The following PTPRD variants were observed in gnomAD, a reference collection of about 807,000 sequenced individuals.
PTPRD encodes the protein protein tyrosine phosphatase receptor type D.
Under a neutral mutation model 214.5 loss-of-function variants are expected in PTPRD, and 34 were observed. The ratio of observed to expected loss-of-function variants is 0.16; its 90% CI spans 0.12 to 0.21. The LOEUF is 0.21. Among genes scored for constraint, PTPRD ranks in the 10% least tolerant of loss-of-function variants. The pLI, the probability that PTPRD is intolerant of heterozygous loss-of-function variation, is 1.00. For synonymous variants in PTPRD, 1,128 were observed against 845.7 expected, an observed-to-expected ratio of 1.33 and a Z score of -5.79; for missense variants, 2,545 against 2,398.7, an observed-to-expected ratio of 1.06 and a Z score of -1.27.
intron 11 of PTPRD, among the ~76,000 whole-genome samples, chr9:8,868,497 C>G (rs1345736188): frequency 6.6e-6 from 1 of 152,142 alleles, no homozygotes; most frequent in African/African-American, 2.4e-5. Context: ...AGCCACTGTG[C>G]CCAGCCTAGC....
chr9:8,758,092 C>A (rs898836321), intron 11 of PTPRD, among the ~76,000 whole-genome samples: 1 of 152,186 alleles, frequency 6.6e-6, no homozygotes, highest in African/African-American at 2.4e-5. Flanking sequence ...TCCAGCCTAC[C>A]TCATCAAAAT....
At chr9:9,746,527 A>G (rs2098459783) in intron 6 of PTPRD, among the ~76,000 whole-genome samples, 1 of 152,202 alleles carries the variant, frequency 6.6e-6, no homozygotes, top group Admixed American at 6.5e-5. Context: ...CAAAAAGATC[A>G]ATATAGAATT....
intron 10 of PTPRD, among the ~76,000 whole-genome samples, chr9:9,069,499 G>C (rs909162413): frequency 1.3e-5 from 2 of 152,232 alleles, no homozygotes; most frequent in African/African-American, 4.8e-5. Flanking sequence ...ACAGAATGTA[G>C]TGAGCACAGA....
At chr9:9,179,730 T>C (rs2099927056) in intron 10 of PTPRD, among the ~76,000 whole-genome samples, 1 of 152,068 alleles carries the variant, frequency 6.6e-6, no homozygotes, top group South Asian at 2.1e-4. Context: ...TCTAGTTAGA[T>C]GGTTTTGATT....
intron 3 of PTPRD, among the ~76,000 whole-genome samples, chr9:10,159,408 G>A (rs1031934241): frequency 2.0e-5 from 3 of 151,388 alleles, no homozygotes; most frequent in African/African-American, 4.8e-5. Flanking sequence ...AAAAAAGCCA[G>A]GCAGAGAAGT....
intron 2 of PTPRD, among the ~76,000 whole-genome samples, chr9:10,488,366 CAA>C (rs59842348): frequency 2.8e-3 from 194 of 68,404 alleles, no homozygotes; most frequent in East Asian, 0.012. Context: ...GACTCTGTCT[CAA>C]AAAAAAAAAA....
intron 19 of PTPRD, among the ~76,000 whole-genome samples, 175 bp from the exon 20 acceptor site, chr9:8,521,721 G>A (rs930257145): frequency 2.0e-5 from 3 of 152,070 alleles, no homozygotes; most frequent in South Asian, 2.1e-4. Flanking sequence ...TATGGTGTGT[G>A]TATACACAGA....
intron 7 of PTPRD, among the ~76,000 whole-genome samples, chr9:9,717,018 G>A (rs1463468752): frequency 6.6e-6 from 1 of 152,078 alleles, no homozygotes; most frequent in Non-Finnish European, 1.5e-5. Context: ...ATCTTGAATT[G>A]ATTTTTGTAT....
chr9:8,722,573 C>A (rs891276397), intron 12 of PTPRD, among the ~76,000 whole-genome samples: 4 of 151,960 alleles, frequency 2.6e-5, no homozygotes, highest in Admixed American at 6.6e-5. Flanking sequence ...ATAGGGACTT[C>A]AACAAATCAC....
chr9:10,492,477 T>C (rs1287718158), intron 2 of PTPRD, among the ~76,000 whole-genome samples: 1 of 152,208 alleles, frequency 6.6e-6, no homozygotes, highest in Non-Finnish European at 1.5e-5. Flanking sequence ...TGATTAGCTT[T>C]TTTTCATATG....
chr9:8,598,065 T>C (rs569490481), intron 14 of PTPRD, among the ~76,000 whole-genome samples: 10 of 152,132 alleles, frequency 6.6e-5, no homozygotes, highest in Non-Finnish European at 1.3e-4. Flanking sequence ...GCCAAACATA[T>C]AAATATGCAT....
intron 39 of PTPRD, among the ~76,000 whole-genome samples, chr9:8,359,878 A>G (rs1169002707): frequency 6.6e-6 from 1 of 152,164 alleles, no homozygotes; most frequent in Non-Finnish European, 1.5e-5. Context: ...TATGGCTATC[A>G]ATATGCATGG....
At chr9:10,228,442 T>A (rs533305749) in intron 3 of PTPRD, among the ~76,000 whole-genome samples, 1 of 152,016 alleles carries the variant, frequency 6.6e-6, no homozygotes, top group African/African-American at 2.4e-5. Flanking sequence ...TGGATAATAT[T>A]GGACATTAGC....
intron 5 of PTPRD, among the ~76,000 whole-genome samples, chr9:9,889,551 G>A (rs1275613594): frequency 6.6e-6 from 1 of 152,104 alleles, no homozygotes; most frequent in Non-Finnish European, 1.5e-5. Flanking sequence ...CTAAGTTGGT[G>A]CTTTAGTCAG....
chr9:9,796,658 T>C (rs1304256506), intron 5 of PTPRD, among the ~76,000 whole-genome samples: 1 of 151,992 alleles, frequency 6.6e-6, no homozygotes, highest in Non-Finnish European at 1.5e-5. Flanking sequence ...AAAAATTGCA[T>C]TCAAAAAGGT....
At chr9:9,431,176 G>C (rs999539703) in intron 8 of PTPRD, among the ~76,000 whole-genome samples, 4 of 152,088 alleles carry the variant, frequency 2.6e-5, no homozygotes, top group Admixed American at 6.5e-5. Flanking sequence ...CTAATATCCA[G>C]AATCTACAAA....
At chr9:9,782,225 G>A (rs1284475879) in intron 5 of PTPRD, among the ~76,000 whole-genome samples, 2 of 152,070 alleles carry the variant, frequency 1.3e-5, no homozygotes, top group African/African-American at 2.4e-5. Flanking sequence ...CATGAACATG[G>A]TCAGTATCTC....
At chr9:8,941,908 C>A (rs1370164017) in intron 11 of PTPRD, among the ~76,000 whole-genome samples, 1 of 152,142 alleles carries the variant, frequency 6.6e-6, no homozygotes, top group South Asian at 2.1e-4. Context: ...CGGGTTCAAG[C>A]GATTCTCTTG....
At chr9:8,842,783 C>T (rs2097584493) in intron 11 of PTPRD, among the ~76,000 whole-genome samples, 1 of 152,128 alleles carries the variant, frequency 6.6e-6, no homozygotes, top group South Asian at 2.1e-4. Flanking sequence ...AATTCAAACG[C>T]ACTATAATAA....
Sources: gnomAD v4.1 joint callset for allele counts (sites outside exome capture counted in the v4.1 genomes callset) on GRCh38, gnomAD v4.1.1 for gene constraint, MANE v1.5 for transcripts, NCBI Gene and HGNC (gene_info 2026-07-23, HGNC 2026-07-21) for gene names.